Variants in HSPG2 observed in about 807,000 individuals in gnomAD.
HSPG2 encodes the protein heparan sulfate proteoglycan 2, also known as basement membrane-specific heparan sulfate proteoglycan core protein.
Under a neutral mutation model 526.6 loss-of-function variants are expected in HSPG2, and 278 were observed. That is an observed-to-expected ratio of 0.53 (90% CI 0.48 to 0.58). The LOEUF is 0.58. Ranked by LOEUF, HSPG2 falls within the 20% of genes least tolerant of loss-of-function variation. HSPG2 has a pLI of 0.00. For synonymous variants in HSPG2, 2,465 were observed against 2,555.4 expected (o/e 0.96, Z 1.07); for missense variants, 5,354 against 6,099.5 (o/e 0.88, Z 4.07).
rs746028887 is a variant in HSPG2, at chr1:21,872,628, G to A, written c.4021C>T (p.Arg1341Cys). ...TQQCASSAYTRHLISTHFAPG... is the reference protein window; with the variant it reads ...TQQCASSAYTCHLISTHFAPG... ...GCAGCACAGGCTCTCACCAGGTGGCGTGTGTAGGCAGAGCTGGCGCACTGC... is the reference window on the plus strand; with the variant it reads ...GCAGCACAGGCTCTCACCAGGTGGCATGTGTAGGCAGAGCTGGCGCACTGC... The change falls in exon 32 of 97, where the codon CGC becomes TGC. Residue 1341 changes from arginine to cysteine, a missense_variant. By Grantham distance (180) the Arg-to-Cys change is radical. Coordinates refer to ENST00000374695, the MANE Select transcript of HSPG2 (RefSeq NM_005529.7). The surrounding 1 kb of genome is among the most constrained non-coding windows in gnomAD (Gnocchi z 5.5). 2.5e-5 allele frequency: 40 copies of A among 1,587,762 alleles called. No individual in the cohort carries two copies. The highest frequency in any genetic ancestry group is 4.6e-5 in the South Asian group (4 of 86,956).
At chr1:21,917,508 G>A (rs964640480) in intron 1 of HSPG2, among the ~76,000 whole-genome samples, 2 of 151,964 alleles carry the variant, frequency 1.3e-5, no homozygotes, top group African/African-American at 4.8e-5. Flanking sequence ...GGCAGAATGG[G>A]GATGGAACAG....
chr1:21,927,809 A>G (rs1209183658), intron 1 of HSPG2, among the ~76,000 whole-genome samples: 2 of 152,208 alleles, frequency 1.3e-5, no homozygotes, highest in African/African-American at 4.8e-5. Flanking sequence ...GATCAGAGGC[A>G]GTTACACCCG....
chr1:21,837,189 A>G (rs954661064), intron 74 of HSPG2, among the ~76,000 whole-genome samples, 183 bp from the exon 75 acceptor site: 2 of 152,108 alleles, frequency 1.3e-5, no homozygotes, highest in African/African-American at 4.8e-5. Flanking sequence ...CTGCCATTCC[A>G]CCAACATGGA....
chr1:21,862,579 A>G (rs1572267656), intron 37 of HSPG2, among the ~76,000 whole-genome samples: 3 of 72,510 alleles, frequency 4.1e-5, no homozygotes, highest in East Asian at 3.8e-4. Context: ...GCGAGACTCC[A>G]TCTCAAAAAA....
At chr1:21,823,804 G>C in intron 95 of HSPG2, 85 bp from the exon 96 acceptor site, 2 of 1,022,096 alleles carry the variant, frequency 2.0e-6, no homozygotes, top group African/African-American at 3.1e-5. Flanking sequence ...CTCTGATATC[G>C]AGACTCCAGA....
At chr1:21,842,429 A>G in intron 67 of HSPG2, 49 bp from the exon 68 acceptor site, 1 of 1,531,454 alleles carries the variant, frequency 6.5e-7, no homozygotes, top group Non-Finnish European at 8.8e-7. Flanking sequence ...CCCCAGGACA[A>G]GGAATGTCCC....
chr1:21,931,198 C>A (rs1272922060), intron 1 of HSPG2, among the ~76,000 whole-genome samples: 1 of 152,254 alleles, frequency 6.6e-6, no homozygotes, highest in Non-Finnish European at 1.5e-5. Flanking sequence ...GACCCGGCCA[C>A]CCCAGCAGCC....
In HSPG2 at chr1:21,848,168, T is replaced by TGCCC; in HGVS notation, c.7738-79_7738-76dup. ...TCCACATCTTGGGCACTGCTGCCGC[T>TGCCC]GCCCCTGGACTCTGGGGGCCTCCCT... On this transcript the variant is annotated intron_variant, in intron 59 of 96. Coordinates refer to ENST00000374695, the MANE Select transcript of HSPG2 (RefSeq NM_005529.7). The surrounding 1 kb of genome is among the most constrained non-coding windows in gnomAD (Gnocchi z 4.9). The TGCCC allele has an allele frequency of 6.6e-7, 1 of 1,514,390 alleles. No homozygotes were observed. The highest frequency in any genetic ancestry group is 8.9e-7 in the Non-Finnish European group (1 of 1,124,540). 93.8% of individuals were successfully genotyped at this position (1,514,390 alleles called of 1,614,324 possible).
At chr1:21,871,266 T>G (rs1292139313) in intron 33 of HSPG2, among the ~76,000 whole-genome samples, 1 of 147,806 alleles carries the variant, frequency 6.8e-6, no homozygotes, top group South Asian at 2.2e-4. Context: ...TTGTTTTTTT[T>G]TTTTTTTTTT....
At position 21,828,088 on chromosome 1, in the gene HSPG2, G is replaced by A; in HGVS notation, c.12474C>T (p.Thr4158=). The A allele has an allele frequency of 6.2e-7, 1 of 1,613,270 alleles. No homozygotes were observed. The highest frequency in any genetic ancestry group is 8.5e-7 in the Non-Finnish European group (1 of 1,179,932). Residue 4158 remains threonine, a synonymous_variant, in exon 90 of 97, where the codon ACC becomes ACT. Transcript: ENST00000374695. This position sits in a 1 kb window ranked among gnomAD's most constrained non-coding sequence, Gnocchi z 6.0. Reference sequence around the variant, plus strand: ...GGCAGAGGCAGCGGGTGCCCTGGCAGGTGCCCCCATGCAGACAGGGTTCAC... The same window carrying A: ...GGCAGAGGCAGCGGGTGCCCTGGCAAGTGCCCCCATGCAGACAGGGTTCAC... ...QLREPCLHGG[T]CQGTRCLCLP...
Position 21,923,440 on chromosome 1 carries a change from C to T in HSPG2, c.63+13715G>A, listed in dbSNP as rs559252833. Among the ~76,000 whole-genome samples the T allele has an allele frequency of 5.3e-5, 8 of 152,258 alleles. No individual in the cohort carries two copies. The South Asian group carries it at 1.2e-3, about 24-fold the overall frequency. On this transcript the variant is annotated intron_variant, in intron 1 of 96. Transcript: ENST00000374695. ...AATAAAATAAAATAACCAGACTCAA[C>T]ATAAATAGCCCTCGCTATTTTGCAC... is the stretch of plus-strand genomic sequence containing the variant.
At chr1:21,829,920 G>A in intron 86 of HSPG2, 73 bp downstream of exon 86, 1 of 1,250,954 alleles carries the variant, frequency 8.0e-7, no homozygotes, top group Admixed American at 2.0e-5. Flanking sequence ...GCCCATCATG[G>A]CCTCAGAGTG....
Position 21,824,543 on chromosome 1 carries a change from C to T in HSPG2, c.12738G>A (p.Gln4246=), listed in dbSNP as rs1451909286. The T allele has an allele frequency of 1.9e-6, 3 of 1,613,620 alleles. No individual in the cohort carries two copies. The highest frequency in any genetic ancestry group is 3.3e-5 in the Admixed American group (2 of 60,032). ...TSTASGLLLW[Q]GVEVGEAGQG... Reference sequence around the variant, plus strand: ...GCCGGATACCCACACTCACCACACCCTGCCAGAGCAGGAGGCCACTGGCTG... The same window carrying T: ...GCCGGATACCCACACTCACCACACCTTGCCAGAGCAGGAGGCCACTGGCTG... The change falls in exon 93 of 97, where the codon CAG becomes CAA. Residue 4246 remains glutamine (Q), a synonymous_variant. Transcript: ENST00000374695. This position sits in a 1 kb window ranked among gnomAD's most constrained non-coding sequence, Gnocchi z 5.9.
intron 47 of HSPG2, 142 bp from the exon 48 acceptor site, chr1:21,855,125 G>A: frequency 7.4e-7 from 1 of 1,355,746 alleles, no homozygotes. Flanking sequence ...CAAACGCCAG[G>A]CAGCCAAGAG....
At position 21,842,676 on chromosome 1, in the gene HSPG2, A is replaced by T; in HGVS notation, c.8910+94T>A. 2.6e-6 allele frequency: 4 copies of T among 1,538,180 alleles called. No individual in the cohort carries two copies. The South Asian group carries it at 4.5e-5, about 17-fold the overall frequency. On this transcript the variant is annotated intron_variant, in intron 67 of 96. Coordinates refer to ENST00000374695, the MANE Select transcript of HSPG2 (RefSeq NM_005529.7). ...CGTATTTTATCCCCTGGGGTCCCCA[A>T]GCAGGCTGGTGTTTGCATGAGGTTT...
Position 21,839,987 on chromosome 1 carries a change from T to C in HSPG2, c.9544A>G (p.Thr3182Ala). 2.5e-6 allele frequency: 4 copies of C among 1,614,204 alleles called. No individual in the cohort carries two copies. The highest frequency in any genetic ancestry group is 3.4e-6 in the Non-Finnish European group (4 of 1,180,040). The change falls in exon 72 of 97, where the codon ACT (threonine) becomes GCT (alanine). Residue 3182 changes from threonine to alanine, a missense_variant. Transcript: ENST00000374695. This position sits in a 1 kb window ranked among gnomAD's most constrained non-coding sequence, Gnocchi z 4.5. ...ISSAKPSDAGTYVCLAQNALG... is the reference protein window; with the variant it reads ...ISSAKPSDAGAYVCLAQNALG... ...GCATTCTGAGCAAGGCACACATAAGTGCCCGCATCTGATGGTTTAGCTGAT... is the reference window on the plus strand; with the variant it reads ...GCATTCTGAGCAAGGCACACATAAGCGCCCGCATCTGATGGTTTAGCTGAT...
intron 69 of HSPG2, 52 bp downstream of exon 69, chr1:21,841,950 G>A: frequency 1.2e-6 from 2 of 1,603,962 alleles, no homozygotes; most frequent in South Asian, 2.2e-5. Context: ...GGGGATGACG[G>A]CACCCCCATG....
chr1:21,925,833 G>A (rs897089914), intron 1 of HSPG2, among the ~76,000 whole-genome samples: 2 of 151,918 alleles, frequency 1.3e-5, no homozygotes, highest in African/African-American at 4.8e-5. Context: ...GGCACGTACT[G>A]GATGGATGAA....
intron 1 of HSPG2, among the ~76,000 whole-genome samples, chr1:21,932,668 A>G (rs1307524578): frequency 6.6e-6 from 1 of 152,222 alleles, no homozygotes; most frequent in Non-Finnish European, 1.5e-5. Flanking sequence ...AAGGACCAGA[A>G]AGAGGGAGAG....
Sources: gnomAD v4.1 joint callset for allele counts (sites outside exome capture counted in the v4.1 genomes callset) on GRCh38, gnomAD v4.1.1 for gene constraint, Gnocchi (gnomAD v3.1) non-coding constraint, MANE v1.5 for transcripts, NCBI Gene and HGNC (gene_info 2026-07-23, HGNC 2026-07-21) for gene names.